The following SEMA4D variants were observed in gnomAD, a reference collection of about 807,000 sequenced individuals.
SEMA4D encodes the protein semaphorin-4D.
In SEMA4D, 22 loss-of-function variants were observed where a neutral mutation model predicts 74.8. That is an observed-to-expected ratio of 0.29 (90% confidence interval 0.21 to 0.42). The LOEUF (loss-of-function observed/expected upper bound fraction) is 0.42. Ranked by LOEUF, SEMA4D falls within the 10% of genes least tolerant of loss-of-function variation. SEMA4D has a pLI of 1.00. For missense variants in SEMA4D, 937 were observed against 1,118.4 expected, an observed-to-expected ratio of 0.84 and a Z score of 2.31; for synonymous variants, 445 against 463.7, an observed-to-expected ratio of 0.96 and a Z score of 0.52.
At chr9:89,363,798 C>T (rs771619778) in exon 17 of SEMA4D, 2 of 1,614,018 alleles carry the variant, frequency 1.2e-6, no homozygotes, top group Non-Finnish European at 1.7e-6. Context: ...GAGGAGAGGA[C>T]AGAGCAGCGA....
intron 1 of SEMA4D, among the ~76,000 whole-genome samples, chr9:89,466,526 CTG>C (rs756970867): frequency 1.8e-4 from 28 of 152,184 alleles, no homozygotes; most frequent in Admixed American, 8.5e-4. Context: ...CCCATGACCT[CTG>C]TGAGTGACCT....
chr9:89,435,991 C>A (rs1466211176), intron 2 of SEMA4D, among the ~76,000 whole-genome samples: 2 of 152,178 alleles, frequency 1.3e-5, no homozygotes, highest in African/African-American at 4.8e-5. Context: ...CCCCCGCTGC[C>A]CCCCACCCCC....
At chr9:89,386,535 G>C in intron 12 of SEMA4D, 53 bp from the exon 13 acceptor site, 1 of 1,246,498 alleles carries the variant, frequency 8.0e-7, no homozygotes, top group Non-Finnish European at 1.2e-6. Context: ...CAGAAACCAA[G>C]GACAGTGACC....
At chr9:89,394,213 C>G (rs1156834027) in intron 6 of SEMA4D, among the ~76,000 whole-genome samples, 1 of 152,206 alleles carries the variant, frequency 6.6e-6, no homozygotes, top group African/African-American at 2.4e-5. Flanking sequence ...GCGTTTCCAT[C>G]TGGGGGTCCT....
intron 8 of SEMA4D, among the ~76,000 whole-genome samples, chr9:89,391,668 C>A (rs1162391192): frequency 2.0e-5 from 3 of 152,276 alleles, no homozygotes; most frequent in Non-Finnish European, 4.4e-5. Context: ...TTCTGCAGTG[C>A]ATCCCACCCA....
At chr9:89,448,100 G>T (rs1853419313) in intron 2 of SEMA4D, among the ~76,000 whole-genome samples, 1 of 152,108 alleles carries the variant, frequency 6.6e-6, no homozygotes, top group African/African-American at 2.4e-5. Context: ...TCAGCCTCCT[G>T]AGCAGCTGGG....
intron 2 of SEMA4D, among the ~76,000 whole-genome samples, chr9:89,407,371 G>A (rs553573852): frequency 1.2e-4 from 19 of 152,300 alleles, no homozygotes; most frequent in African/African-American, 2.9e-4. Context: ...TGGCAGCCAT[G>A]CTGTCAACAT....
chr9:89,382,977 G>A (rs929934765), intron 13 of SEMA4D, among the ~76,000 whole-genome samples: 2 of 152,190 alleles, frequency 1.3e-5, no homozygotes, highest in East Asian at 1.9e-4. Flanking sequence ...CCCAGCTTCC[G>A]CTTCTCCCGG....
At chr9:89,430,197 A>G (rs934765827) in intron 2 of SEMA4D, among the ~76,000 whole-genome samples, 2 of 152,186 alleles carry the variant, frequency 1.3e-5, no homozygotes, top group African/African-American at 4.8e-5. Flanking sequence ...ACAAAATTTC[A>G]GAACTAGGAG....
At chr9:89,376,755 A>T, downstream of SEMA4D, 1 of 1,490,492 alleles carries the variant, frequency 6.7e-7, no homozygotes, top group Non-Finnish European at 9.0e-7. Flanking sequence ...AGGGATGTGG[A>T]GGATGCCCCC....
At chr9:89,366,962 C>T (rs1134004) in intron 16 of SEMA4D, among the ~76,000 whole-genome samples, 26,854 of 152,092 alleles carry the variant, frequency 0.18, 2,872 homozygotes, top group East Asian at 0.28. Flanking sequence ...ACCCAACGCC[C>T]CATCATGGGA....
intron 4 of SEMA4D, among the ~76,000 whole-genome samples, chr9:89,400,750 G>C (rs1033241296): frequency 1.3e-5 from 2 of 152,072 alleles, no homozygotes; most frequent in African/African-American, 2.4e-5. Context: ...CGTTTGCAGG[G>C]ATTTTCACTG....
intron 2 of SEMA4D, among the ~76,000 whole-genome samples, chr9:89,431,242 C>T (rs1046454374): frequency 2.6e-5 from 4 of 152,162 alleles, no homozygotes; most frequent in Non-Finnish European, 4.4e-5. Context: ...AGGCTGACTC[C>T]TAACCCTGGC....
rs891092926 is a variant in SEMA4D at position 89,384,073 on chromosome 9, A to G, written c.1446+2294T>C. Among the ~76,000 whole-genome samples, 3 of 152,150 alleles carry G rather than the reference A, an allele frequency of 2.0e-5. No homozygotes were observed. The East Asian group carries it at 5.8e-4, about 29-fold the overall frequency. On this transcript the variant is annotated intron_variant, in intron 13 of 15. Coordinates refer to ENST00000422704, the MANE Select transcript of SEMA4D (RefSeq NM_001371194.2). ...CTAGCTGTAGCTCAGCATCCCAAGG[A>G]GTCCTGGTGAAAATACAGACACAGC... is the stretch of plus-strand genomic sequence containing the variant.
chr9:89,373,337 GC>G (rs560183815), downstream of SEMA4D, among the ~76,000 whole-genome samples: 16 of 152,286 alleles, frequency 1.1e-4, no homozygotes, highest in East Asian at 3.1e-3. Flanking sequence ...CTCCTGGATG[GC>G]CAAGTCCCTG....
chr9:89,477,629 C>T (rs1461793952), intron 1 of SEMA4D, among the ~76,000 whole-genome samples: 2 of 152,188 alleles, frequency 1.3e-5, no homozygotes, highest in Non-Finnish European at 2.9e-5. Flanking sequence ...GAAACACCCC[C>T]TCTATGGATG....
At chr9:89,491,884 G>A (rs1825657404) in intron 1 of SEMA4D, among the ~76,000 whole-genome samples, 1 of 152,118 alleles carries the variant, frequency 6.6e-6, no homozygotes, top group Non-Finnish European at 1.5e-5. Context: ...GCCAAGAGGA[G>A]GCACAGCACA....
At chr9:89,393,099 T>A (rs1282728586) in intron 7 of SEMA4D, among the ~76,000 whole-genome samples, 1 of 152,218 alleles carries the variant, frequency 6.6e-6, no homozygotes, top group Non-Finnish European at 1.5e-5. Flanking sequence ...TTGATGGGGA[T>A]AATTTCATGC....
chr9:89,421,983 T>C (rs1464019949), intron 2 of SEMA4D, among the ~76,000 whole-genome samples: 3 of 152,266 alleles, frequency 2.0e-5, no homozygotes, highest in Admixed American at 6.5e-5. Flanking sequence ...CTTAATCATG[T>C]GGTTTTCTAA....
Sources: gnomAD v4.1 joint callset for allele counts (sites outside exome capture counted in the v4.1 genomes callset) on GRCh38, gnomAD v4.1.1 for gene constraint, MANE v1.5 for transcripts, NCBI Gene and HGNC (gene_info 2026-07-23, HGNC 2026-07-21) for gene names.